CFAP95: variants seen among roughly 807,000 people sequenced by gnomAD.
CFAP95 encodes the protein cilia- and flagella-associated protein 95.
At chr9:69,900,314 A>C in the CFAP95 span, among the ~76,000 whole-genome samples, 1 of 152,130 alleles carries the variant, frequency 6.6e-6, no homozygotes, top group East Asian at 1.9e-4. Flanking sequence ...GTTTGCAGCA[A>C]CAAGAATGCA....
At chr9:69,861,816 C>T in the CFAP95 span, among the ~76,000 whole-genome samples, 9 of 144,796 alleles carry the variant, frequency 6.2e-5, no homozygotes, top group East Asian at 2.1e-4. Context: ...AAGCAAGATT[C>T]GATGTTCATC....
At chr9:69,865,004 C>T in the CFAP95 span, among the ~76,000 whole-genome samples, 4 of 152,046 alleles carry the variant, frequency 2.6e-5, no homozygotes, top group Non-Finnish European at 5.9e-5. Flanking sequence ...GAATTATAAT[C>T]CCCATAATCC....
chr9:69,834,069 G>A, the CFAP95 span, among the ~76,000 whole-genome samples: 1 of 152,152 alleles, frequency 6.6e-6, no homozygotes, highest in South Asian at 2.1e-4. Context: ...TATTGGAATA[G>A]GAGCTTACAC....
At chr9:69,867,461 G>A in the CFAP95 span, among the ~76,000 whole-genome samples, 16 of 152,270 alleles carry the variant, frequency 1.1e-4, no homozygotes, top group South Asian at 2.7e-3. Flanking sequence ...CCTAAAACTA[G>A]CATTATGAAG....
the CFAP95 span, among the ~76,000 whole-genome samples, chr9:69,894,090 G>T: frequency 6.6e-6 from 1 of 152,268 alleles, no homozygotes; most frequent in Non-Finnish European, 1.5e-5. Flanking sequence ...GGTTCAAAAG[G>T]ATATGGTGGC....
At chr9:69,879,491 C>T in the CFAP95 span, among the ~76,000 whole-genome samples, 494 of 152,130 alleles carry the variant, frequency 3.2e-3, 5 homozygotes, top group African/African-American at 0.011. Context: ...GGGGGAAAAG[C>T]TATACGTATT....
At chr9:69,893,523 A>G in the CFAP95 span, among the ~76,000 whole-genome samples, 1 of 152,134 alleles carries the variant, frequency 6.6e-6, no homozygotes, top group Non-Finnish European at 1.5e-5. Flanking sequence ...GCTTCATTCC[A>G]TGTCCCTATT....
the CFAP95 span, among the ~76,000 whole-genome samples, chr9:69,830,058 A>G: frequency 4.6e-5 from 7 of 152,164 alleles, no homozygotes; most frequent in Non-Finnish European, 4.4e-5. Flanking sequence ...GAGGGATGAA[A>G]ATGTTACCAG....
At chr9:69,824,156 G>A in the CFAP95 span, among the ~76,000 whole-genome samples, 344 of 152,316 alleles carry the variant, frequency 2.3e-3, 1 homozygote, top group African/African-American at 7.9e-3. Context: ...ATTATAAGAA[G>A]CAGAGGTAAT....
the CFAP95 span, among the ~76,000 whole-genome samples, chr9:69,879,070 C>G: frequency 7.2e-5 from 11 of 152,140 alleles, no homozygotes; most frequent in Admixed American, 3.3e-4. Context: ...ACACCTCCCC[C>G]CAGGCCTCAC....
At chr9:69,895,190 C>G in the CFAP95 span, among the ~76,000 whole-genome samples, 2 of 151,900 alleles carry the variant, frequency 1.3e-5, no homozygotes, top group Non-Finnish European at 2.9e-5. Context: ...GTAAGTGGGG[C>G]TCATTGAATC....
At chr9:69,831,663 C>A in the CFAP95 span, among the ~76,000 whole-genome samples, 5 of 152,196 alleles carry the variant, frequency 3.3e-5, no homozygotes, top group African/African-American at 1.2e-4. Flanking sequence ...CCAAGAGGAG[C>A]CTTTAACTTA....
the CFAP95 span, among the ~76,000 whole-genome samples, chr9:69,825,982 G>T: frequency 6.6e-6 from 1 of 152,106 alleles, no homozygotes; most frequent in Non-Finnish European, 1.5e-5. Context: ...CCAAATTAAA[G>T]AGCCTGGGAG....
chr9:69,822,262 C>G, the CFAP95 span, among the ~76,000 whole-genome samples: 3 of 152,180 alleles, frequency 2.0e-5, no homozygotes, highest in Admixed American at 2.0e-4. Flanking sequence ...GTGATTTTGA[C>G]TCTAGCCCTA....
chr9:69,868,102 C>T, the CFAP95 span, among the ~76,000 whole-genome samples: 11 of 152,172 alleles, frequency 7.2e-5, no homozygotes, highest in East Asian at 1.9e-4. Context: ...CATTTCTAAT[C>T]GATCAGAGAT....
the CFAP95 span, among the ~76,000 whole-genome samples, chr9:69,843,347 A>C: frequency 6.6e-6 from 1 of 151,358 alleles, no homozygotes; most frequent in East Asian, 2.0e-4. Context: ...CCTATATTTC[A>C]CTCAAGAAAG....
At chr9:69,859,904 T>C in the CFAP95 span, among the ~76,000 whole-genome samples, 1 of 152,110 alleles carries the variant, frequency 6.6e-6, no homozygotes, top group Non-Finnish European at 1.5e-5. Flanking sequence ...TATCTAAACA[T>C]ATCTAAACAT....
the CFAP95 span, among the ~76,000 whole-genome samples, chr9:69,901,459 C>T: frequency 0.022 from 3,315 of 152,136 alleles, 122 homozygotes; most frequent in African/African-American, 0.075. Flanking sequence ...TTTGTCCTTG[C>T]GATAATTTGC....
the CFAP95 span, among the ~76,000 whole-genome samples, chr9:69,838,641 A>T: frequency 6.6e-6 from 1 of 152,006 alleles, no homozygotes; most frequent in African/African-American, 2.4e-5. Flanking sequence ...GGCTGAGACA[A>T]TGGGGTTTTC....
Sources: allele counts gnomAD v4.1 joint callset (sites outside exome capture counted in the v4.1 genomes callset), GRCh38; gene constraint gnomAD v4.1.1; transcripts MANE v1.5; gene names NCBI Gene and HGNC (gene_info 2026-07-23, HGNC 2026-07-21).